Variants in PTPRK observed in about 807,000 individuals in gnomAD.
PTPRK encodes protein tyrosine phosphatase receptor type K, also known as receptor-type tyrosine-protein phosphatase kappa.
PTPRK carries 75 observed loss-of-function variants against 178.0 expected under a neutral mutation model. The ratio of observed to expected loss-of-function variants is 0.42; its 90% CI spans 0.35 to 0.51. PTPRK has a LOEUF of 0.51. Among genes scored for constraint, PTPRK ranks in the 20% least tolerant of loss-of-function variants. The pLI, the probability that PTPRK is intolerant of heterozygous loss-of-function variation, is 0.02. For synonymous variants in PTPRK, 637 were observed against 620.6 expected (o/e 1.03, Z -0.39); for missense variants, 1,441 against 1,797.8 (o/e 0.80, Z 3.59).
intron 1 of PTPRK, among the ~76,000 whole-genome samples, chr6:128,473,271 T>C (rs547130700): frequency 2.6e-5 from 4 of 152,232 alleles, no homozygotes; most frequent in African/African-American, 7.2e-5. Context: ...ATTCAGGTAA[T>C]GCATTCTTCA....
chr6:128,064,943 A>C, intron 12 of PTPRK, 149 bp from the exon 13 acceptor site: 1 of 966,436 alleles, frequency 1.0e-6, no homozygotes, highest in Non-Finnish European at 1.4e-6. Flanking sequence ...TTTAAAAAAT[A>C]TGCCCCCCTA....
chr6:128,420,723 C>T (rs996110246), intron 1 of PTPRK, among the ~76,000 whole-genome samples: 4 of 152,072 alleles, frequency 2.6e-5, no homozygotes, highest in African/African-American at 4.8e-5. Flanking sequence ...GAATAAATCA[C>T]GAAAGATTTT....
chr6:128,208,462 G>C (rs1807389256), intron 6 of PTPRK, among the ~76,000 whole-genome samples: 1 of 152,040 alleles, frequency 6.6e-6, no homozygotes, highest in Admixed American at 6.6e-5. Flanking sequence ...TTACAAAGAA[G>C]AGGAAAAAGA....
At chr6:128,439,247 G>C (rs538484984) in intron 1 of PTPRK, among the ~76,000 whole-genome samples, 5 of 152,166 alleles carry the variant, frequency 3.3e-5, no homozygotes, top group African/African-American at 9.6e-5. Context: ...GAAGTGGTGG[G>C]GTGGGGGGCT....
intron 25 of PTPRK, among the ~76,000 whole-genome samples, chr6:127,980,402 G>T (rs1466615732): frequency 1.2e-4 from 18 of 152,012 alleles, no homozygotes; most frequent in Admixed American, 1.2e-3. Flanking sequence ...TGAGGCAGGA[G>T]AATTGCTTGA....
intron 1 of PTPRK, among the ~76,000 whole-genome samples, chr6:128,496,294 G>C (rs1854645361): frequency 6.6e-6 from 1 of 152,118 alleles, no homozygotes; most frequent in African/African-American, 2.4e-5. Context: ...TAAATCTTAA[G>C]GCAGAAAAGT....
intron 7 of PTPRK, among the ~76,000 whole-genome samples, chr6:128,177,723 T>C (rs1422247933): frequency 3.9e-5 from 6 of 151,932 alleles, no homozygotes; most frequent in African/African-American, 1.2e-4. Flanking sequence ...GGCAAGGCTA[T>C]TTCATATTTG....
chr6:128,238,124 A>C (rs1451379535), intron 5 of PTPRK: 1 of 447,572 alleles, frequency 2.2e-6, no homozygotes, highest in Non-Finnish European at 4.5e-6. Context: ...CTGAAGAATG[A>C]GGCAATGTCC....
intron 7 of PTPRK, among the ~76,000 whole-genome samples, chr6:128,124,564 A>G (rs1793022927): frequency 6.6e-6 from 1 of 152,046 alleles, no homozygotes; most frequent in Non-Finnish European, 1.5e-5. Flanking sequence ...GCCCTTAAAA[A>G]ACTCTCAGTG....
chr6:128,500,362 T>C (rs1204327373), intron 1 of PTPRK, among the ~76,000 whole-genome samples: 3 of 148,738 alleles, frequency 2.0e-5, no homozygotes, highest in Non-Finnish European at 4.4e-5. Context: ...AACTGAAAAT[T>C]TGGGGGGGGG....
intron 1 of PTPRK, among the ~76,000 whole-genome samples, chr6:128,509,847 A>G (rs1027767468): frequency 2.5e-4 from 38 of 152,102 alleles, no homozygotes; most frequent in African/African-American, 4.8e-5. Flanking sequence ...ATTGGTTCTG[A>G]GGTAGGTTGC....
chr6:128,165,514 G>C (rs1242110823), intron 7 of PTPRK, among the ~76,000 whole-genome samples: 1 of 151,082 alleles, frequency 6.6e-6, no homozygotes, highest in Non-Finnish European at 1.5e-5. Context: ...TGGTAAGCCT[G>C]CATCCCTGGA....
At chr6:128,263,233 G>C (rs1818446325) in intron 3 of PTPRK, among the ~76,000 whole-genome samples, 1 of 152,124 alleles carries the variant, frequency 6.6e-6, no homozygotes, top group African/African-American at 2.4e-5. Context: ...TTGGTAAAAA[G>C]TCCTAAGAAG....
intron 5 of PTPRK, among the ~76,000 whole-genome samples, chr6:128,227,092 C>A (rs999259525): frequency 6.6e-6 from 1 of 152,064 alleles, no homozygotes; most frequent in Non-Finnish European, 1.5e-5. Context: ...AATCAAGTAT[C>A]TATGGAAGGC....
chr6:128,234,594 T>A (rs927180883), intron 5 of PTPRK, among the ~76,000 whole-genome samples: 6 of 152,246 alleles, frequency 3.9e-5, no homozygotes, highest in African/African-American at 1.4e-4. Context: ...CCTTTTTGTG[T>A]CTGTCCTCTT....
chr6:128,126,220 C>T (rs932652283), intron 7 of PTPRK, among the ~76,000 whole-genome samples: 1 of 152,072 alleles, frequency 6.6e-6, no homozygotes, highest in Admixed American at 6.5e-5. Context: ...CCTCCCTTGC[C>T]CCCAACTCTC....
intron 7 of PTPRK, among the ~76,000 whole-genome samples, chr6:128,098,968 A>G (rs973428310): frequency 1.3e-5 from 2 of 151,982 alleles, no homozygotes; most frequent in African/African-American, 4.8e-5. Flanking sequence ...TAAACTAAAT[A>G]TTGGAATAAT....
chr6:128,468,921 CAAA>C (rs375371831), intron 1 of PTPRK, among the ~76,000 whole-genome samples: 1 of 90,576 alleles, frequency 1.1e-5, no homozygotes, highest in African/African-American at 3.8e-5. Flanking sequence ...AACACCTTTT[CAAA>C]AAAAAAAAAA....
At chr6:128,186,411 C>T (rs888043908) in intron 6 of PTPRK, among the ~76,000 whole-genome samples, 3 of 151,848 alleles carry the variant, frequency 2.0e-5, no homozygotes, top group Admixed American at 6.6e-5. Flanking sequence ...AAAACAAAAA[C>T]AAAACTAAGA....
Sources: allele counts gnomAD v4.1 joint callset (sites outside exome capture counted in the v4.1 genomes callset), GRCh38; gene constraint gnomAD v4.1.1; transcripts MANE v1.5; gene names NCBI Gene and HGNC (gene_info 2026-07-23, HGNC 2026-07-21).